Variants in PBK observed in about 807,000 individuals in gnomAD.
PBK encodes the protein PDZ binding kinase.
PBK carries 22 observed loss-of-function variants against 33.5 expected under a neutral mutation model. The observed-to-expected ratio is 0.66, with a 90% CI of 0.47 to 0.94. The LOEUF is 0.94. Among genes scored for constraint, PBK ranks in the 40% least tolerant of loss-of-function variants. The pLI is 0.00. For synonymous variants in PBK, 129 were observed against 123.8 expected, an observed-to-expected ratio of 1.04 and a Z score of -0.28; for missense variants, 376 against 383.4, an observed-to-expected ratio of 0.98 and a Z score of 0.16.
intron 6 of PBK, among the ~76,000 whole-genome samples, chr8:27,816,174 C>T (rs1415972534): frequency 6.6e-6 from 1 of 151,766 alleles, no homozygotes; most frequent in African/African-American, 2.4e-5. Context: ...GTCATCTTGT[C>T]TCATTAGTAT....
chr8:27,823,536 ATATT>A (rs1805970665), intron 3 of PBK, among the ~76,000 whole-genome samples: 1 of 152,042 alleles, frequency 6.6e-6, no homozygotes, highest in African/African-American at 2.4e-5. Flanking sequence ...AACTTATTAA[ATATT>A]TAATTATATG....
chr8:27,818,935 A>C (rs112301257), intron 6 of PBK, among the ~76,000 whole-genome samples: 2,688 of 152,288 alleles, frequency 0.018, 64 homozygotes, highest in African/African-American at 0.054. Context: ...TTTTTCTAAA[A>C]TGTCCAGATA....
chr8:27,827,461 C>A (rs7844484), intron 3 of PBK, among the ~76,000 whole-genome samples: 1 of 152,024 alleles, frequency 6.6e-6, no homozygotes. Flanking sequence ...GCAGGAGAAG[C>A]GCTTGAACCT....
At chr8:27,836,710 G>A (rs1806233676) in intron 1 of PBK, among the ~76,000 whole-genome samples, 2 of 152,008 alleles carry the variant, frequency 1.3e-5, no homozygotes, top group Non-Finnish European at 2.9e-5. Context: ...CTCACTCTAC[G>A]GAGGATTTGA....
chr8:27,815,898 A>G (rs778980176), intron 6 of PBK, among the ~76,000 whole-genome samples: 1 of 152,258 alleles, frequency 6.6e-6, no homozygotes, highest in Non-Finnish European at 1.5e-5. Context: ...TTCTGACAAC[A>G]AAAGTTTGAT....
chr8:27,815,304 G>A (rs1805788585), intron 6 of PBK, among the ~76,000 whole-genome samples: 1 of 152,194 alleles, frequency 6.6e-6, no homozygotes, highest in Non-Finnish European at 1.5e-5. Context: ...CCTGATAAAT[G>A]AGCAGGCTCT....
In PBK at chr8:27,820,587, TAGAG is replaced by T. The variant is rs752426328; in HGVS notation, c.569_572del (p.Ser190TyrfsTer7). 6 of 1,584,294 alleles carry T rather than the reference TAGAG, an allele frequency of 3.8e-6. No homozygotes were observed. The highest frequency in any genetic ancestry group is 4.3e-6 in the Non-Finnish European group (5 of 1,157,458). On this transcript the variant is annotated frameshift_variant, in exon 6 of 8. Transcript: ENST00000301905. LOFTEE classifies it high-confidence loss of function. ...TACCAGTCATATTTTCATCCAGTGG[TAGAG>T]AGACTCCTACATCACAGATTTTAAT...
At position 27,830,804 on chromosome 8, in the gene PBK, C is replaced by A. The variant is rs541025523; in HGVS notation, c.58+2252G>T. 5.9e-5 allele frequency among the ~76,000 whole-genome samples: 9 copies of A among 152,184 alleles called. No homozygotes were observed. In the East Asian group the frequency reaches 1.4e-3, roughly 23 times the overall value. On this transcript the variant is annotated intron_variant, in intron 2 of 7. Transcript: ENST00000301905. ...TTAAAGTTGTCAGAACGGATAAAAACAAGACGAGACATGCCATTTATAATA... is the reference window on the plus strand; with the variant it reads ...TTAAAGTTGTCAGAACGGATAAAAAAAAGACGAGACATGCCATTTATAATA...
rs1806158808 is a variant in PBK, at chr8:27,833,058, G to T, written c.56C>A (p.Ser19Tyr). ...AAATCTTACATCTGCTATCTTACCAGATTTCTTTTTTTCTGATAATTTGCT... is the reference window on the plus strand; with the variant it reads ...AAATCTTACATCTGCTATCTTACCATATTTCTTTTTTTCTGATAATTTGCT... ...TPSKLSEKKK[S>Y]VLCSTPTINI... The change falls in exon 2 of 8, where the codon TCT becomes TAT. Residue 19 changes from serine to tyrosine, a missense_variant and splice_region_variant. Transcript: ENST00000301905. 2 of 1,573,484 alleles carry T rather than the reference G, an allele frequency of 1.3e-6. No homozygotes were observed. The highest frequency in any genetic ancestry group is 8.7e-7 in the Non-Finnish European group (1 of 1,152,422).
intron 6 of PBK, among the ~76,000 whole-genome samples, chr8:27,814,361 GTAGAATTTACAATAACCC>G (rs1805769375): frequency 6.6e-6 from 1 of 152,100 alleles, no homozygotes; most frequent in Non-Finnish European, 1.5e-5. Context: ...TTAAATGTGT[GTAGAATTTACAATAACCC>G]TTTTCTCATT....
chr8:27,826,110 T>C (rs4732765), intron 3 of PBK, among the ~76,000 whole-genome samples: 21,246 of 152,012 alleles, frequency 0.14, 1,785 homozygotes, highest in East Asian at 0.34. Flanking sequence ...GGATTACATA[T>C]GAAGAATTAG....
chr8:27,833,766 T>C (rs1259255580), intron 1 of PBK, among the ~76,000 whole-genome samples: 1 of 151,994 alleles, frequency 6.6e-6, no homozygotes, highest in Non-Finnish European at 1.5e-5. Flanking sequence ...CCTGTTATAC[T>C]TCCCAGGAGC....
intron 6 of PBK, among the ~76,000 whole-genome samples, chr8:27,816,201 A>G (rs947483810): frequency 9.2e-5 from 14 of 151,890 alleles, no homozygotes; most frequent in African/African-American, 3.4e-4. Flanking sequence ...GCTGCTTTCC[A>G]TCCTAGATTA....
Position 27,822,387 on chromosome 8 carries a change from C to G in PBK, c.397G>C (p.Ala133Pro), listed in dbSNP as rs1488086237. 6.2e-7 allele frequency: 1 copy of G among 1,613,472 alleles called. No homozygotes were observed. The highest frequency in any genetic ancestry group is 1.3e-5 in the African/African-American group (1 of 74,918). ...LNDLIEERYK[A>P]SQDPFPAAII... ...GCTGCTGGAAAAGGATCTTGGCTGGCTTTATATCGTTCTTCTATTAAGTCA... is the reference window on the plus strand; with the variant it reads ...GCTGCTGGAAAAGGATCTTGGCTGGGTTTATATCGTTCTTCTATTAAGTCA... Residue 133 changes from alanine (A) to proline (P), a missense_variant, in exon 5 of 8, where the codon GCC (alanine) becomes CCC (proline). By Grantham distance (27) the Ala-to-Pro change is conservative. Transcript: ENST00000301905.
intron 6 of PBK, among the ~76,000 whole-genome samples, chr8:27,816,727 A>T (rs868069635): frequency 1.3e-5 from 2 of 152,088 alleles, no homozygotes; most frequent in Admixed American, 1.3e-4. Context: ...GTTTAAAAAA[A>T]ATTTTAAGAT....
At position 27,829,664 on chromosome 8, in the gene PBK, G is replaced by C. The variant is rs181190245; in HGVS notation, c.59-1466C>G. On this transcript the variant is annotated intron_variant, in intron 2 of 7. Coordinates refer to ENST00000301905, the MANE Select transcript of PBK (RefSeq NM_018492.4). ...AGGCAGATCACTAGGTCAGGAGTTCGAGACCAGCCTGGCCAACATGGTGAA... is the reference window on the plus strand; with the variant it reads ...AGGCAGATCACTAGGTCAGGAGTTCCAGACCAGCCTGGCCAACATGGTGAA... 2.5e-3 allele frequency among the ~76,000 whole-genome samples: 379 copies of C among 148,720 alleles called. 5 individuals carry two copies. The highest frequency in any genetic ancestry group is 8.9e-3 in the African/African-American group (361 of 40,406).
chr8:27,822,451 C>G lies in PBK; in HGVS notation c.333G>C (p.Leu111=), dbSNP rs752783878. The G allele has an allele frequency of 6.2e-7, 1 of 1,611,356 alleles. No homozygotes were observed. The highest frequency in any genetic ancestry group is 1.3e-5 in the African/African-American group (1 of 74,912). ...RAFTEANDGS[L]CLAMEYGGEK... is the part of the protein sequence containing the mutation. The stretch of plus-strand genomic sequence containing the variant: ...CACCTCCATATTCCATAGCAAGACA[C>G]AGACTGCCATCATTGGCTTCAGTAA... The change falls in exon 5 of 8, where the codon CTG becomes CTC. Residue 111 remains leucine, a synonymous_variant. Coordinates refer to ENST00000301905, the MANE Select transcript of PBK (RefSeq NM_018492.4).
At chr8:27,812,900 A>T (rs1805721602) in intron 6 of PBK, among the ~76,000 whole-genome samples, 1 of 152,200 alleles carries the variant, frequency 6.6e-6, no homozygotes, top group Non-Finnish European at 1.5e-5. Context: ...ACCATTGTGG[A>T]AGACAGTGTG....
chr8:27,811,207 G>C, intron 6 of PBK, 73 bp from the exon 7 acceptor site: 1 of 1,367,276 alleles, frequency 7.3e-7, no homozygotes, highest in Non-Finnish European at 1.0e-6. Flanking sequence ...AAGGGAAACA[G>C]GCGAACGATT....
Sources: allele counts gnomAD v4.1 joint callset (sites outside exome capture counted in the v4.1 genomes callset), GRCh38; gene constraint gnomAD v4.1.1; transcripts MANE v1.5; gene names NCBI Gene and HGNC (gene_info 2026-07-23, HGNC 2026-07-21).